CSMD1: variants seen among roughly 807,000 people sequenced by gnomAD.
The protein encoded by CSMD1 is CUB and Sushi multiple domains 1.
CSMD1 carries 213 observed loss-of-function variants against 417.5 expected under a neutral mutation model. The observed-to-expected ratio is 0.51, with a 90% CI of 0.46 to 0.57. The LOEUF is 0.57. CSMD1 is among the 20% of genes least tolerant of loss of function. The pLI, the probability that CSMD1 is intolerant of heterozygous loss-of-function variation, is 0.00. For synonymous variants in CSMD1, 2,862 were observed against 1,736.8 expected (o/e 1.65, Z -16.11); for missense variants, 6,923 against 4,529.7 (o/e 1.53, Z -15.17).
intron 3 of CSMD1, among the ~76,000 whole-genome samples, chr8:4,370,937 A>T (rs2128912800): frequency 6.6e-6 from 1 of 152,294 alleles, no homozygotes; most frequent in East Asian, 1.9e-4. Flanking sequence ...CAGCCATTTC[A>T]GTCTGGTTTG....
chr8:4,735,572 G>A (rs1017473637), intron 1 of CSMD1, among the ~76,000 whole-genome samples: 1 of 152,142 alleles, frequency 6.6e-6, no homozygotes, highest in South Asian at 2.1e-4. Flanking sequence ...CCCACATACA[G>A]CTAAGAAAAG....
intron 1 of CSMD1, among the ~76,000 whole-genome samples, chr8:4,914,850 G>C (rs572885630): frequency 6.6e-6 from 1 of 152,138 alleles, no homozygotes; most frequent in Admixed American, 6.5e-5. Context: ...TTCACCTACT[G>C]CTATTTCACC....
intron 3 of CSMD1, among the ~76,000 whole-genome samples, chr8:4,080,119 C>A (rs551239403): frequency 6.6e-6 from 1 of 151,776 alleles, no homozygotes; most frequent in Non-Finnish European, 1.5e-5. Flanking sequence ...TCCATGTATA[C>A]ACCCCCATAG....
intron 5 of CSMD1, among the ~76,000 whole-genome samples, chr8:3,770,604 C>T (rs1400720273): frequency 6.6e-6 from 1 of 152,054 alleles, no homozygotes; most frequent in Admixed American, 6.6e-5. Flanking sequence ...GCAGAACGGC[C>T]ATAAATGAAG....
chr8:4,622,358 C>G (rs543971581), intron 2 of CSMD1, among the ~76,000 whole-genome samples: 1 of 152,170 alleles, frequency 6.6e-6, no homozygotes, highest in South Asian at 2.1e-4. Flanking sequence ...ACACTCCACA[C>G]AGTCCAGCAC....
intron 52 of CSMD1, among the ~76,000 whole-genome samples, chr8:3,017,471 T>G (rs1438075897): frequency 6.6e-6 from 1 of 152,146 alleles, no homozygotes; most frequent in Admixed American, 6.6e-5. Context: ...TATAATTGTG[T>G]TCAATAATAT....
At chr8:4,642,269 C>G (rs947267152) in intron 1 of CSMD1, among the ~76,000 whole-genome samples, 1 of 152,196 alleles carries the variant, frequency 6.6e-6, no homozygotes, top group Non-Finnish European at 1.5e-5. Flanking sequence ...AGGCAGGGCT[C>G]ACTGTGTCCT....
At chr8:3,267,157 C>G (rs1376273081) in intron 26 of CSMD1, among the ~76,000 whole-genome samples, 1 of 152,090 alleles carries the variant, frequency 6.6e-6, no homozygotes, top group African/African-American at 2.4e-5. Context: ...GCGGGAATGT[C>G]TGCTGGAGGA....
intron 9 of CSMD1, among the ~76,000 whole-genome samples, chr8:3,584,133 A>C (rs771118976): frequency 1.3e-5 from 2 of 152,202 alleles, no homozygotes; most frequent in Non-Finnish European, 2.9e-5. Context: ...ATTAGAAGTA[A>C]TAAACTTAAT....
At position 3,754,027 on chromosome 8, in the gene CSMD1, G is replaced by T; in HGVS notation, c.834C>A (p.Asn278Lys). Reference protein sequence around the residue: ...EAPSIWLTGMNLPSPVISSKN... With the variant: ...EAPSIWLTGMKLPSPVISSKN... ...TGCTACTGATAACTGGAGAGGGGAGGTTCATGCCAGTTAGCCTAGAGAAGA... is the reference window on the plus strand; with the variant it reads ...TGCTACTGATAACTGGAGAGGGGAGTTTCATGCCAGTTAGCCTAGAGAAGA... Residue 278 changes from asparagine to lysine, a missense_variant, in exon 6 of 70, where the codon AAC (asparagine) becomes AAA (lysine). By Grantham distance (94) the Asn-to-Lys change is moderately conservative (BLOSUM62 0). Coordinates refer to ENST00000635120, the MANE Select transcript of CSMD1 (RefSeq NM_033225.6). 1 of 1,610,976 alleles carries T rather than the reference G, an allele frequency of 6.2e-7. No individual in the cohort carries two copies. Among genetic ancestry groups the T allele is most frequent in the Non-Finnish European group, 8.5e-7 (1 of 1,177,892 alleles).
At position 4,982,061 on chromosome 8, in the gene CSMD1, A is replaced by G. The variant is rs1187005514; in HGVS notation, c.85+12271T>C. Reference sequence around the variant, plus strand: ...GGAACTGAATTCTGCCAGCTGCCCAACTATCTTAGAAGTGGATTCTACCCC... The same window carrying G: ...GGAACTGAATTCTGCCAGCTGCCCAGCTATCTTAGAAGTGGATTCTACCCC... On this transcript the variant is annotated intron_variant, in intron 1 of 69. Coordinates refer to ENST00000635120, the MANE Select transcript of CSMD1 (RefSeq NM_033225.6). Among the ~76,000 whole-genome samples the G allele has an allele frequency of 3.3e-5, 5 of 152,176 alleles. No individual in the cohort carries two copies. In the South Asian group the frequency reaches 6.2e-4, roughly 19 times the overall value.
At chr8:4,170,768 A>G (rs550984249) in intron 3 of CSMD1, among the ~76,000 whole-genome samples, 3 of 151,810 alleles carry the variant, frequency 2.0e-5, no homozygotes, top group Non-Finnish European at 4.4e-5. Context: ...TAGCTAAGGG[A>G]CACAGAATTT....
Position 3,106,604 on chromosome 8 carries a change from G to C in CSMD1, c.6873C>G (p.Thr2291=), listed in dbSNP as rs1816165578. 1.9e-6 allele frequency: 3 copies of C among 1,613,692 alleles called. No homozygotes were observed. The highest frequency in any genetic ancestry group is 2.5e-6 in the Non-Finnish European group (3 of 1,179,774). The stretch of plus-strand genomic sequence containing the variant: ...AAGTCAGAATGTCGGTCCCCACCAA[G>C]GTGTACCCGGGGTGGCACTGGTACT... ...FVKYQCHPGY[T]LVGTDILTCK... is the part of the protein sequence containing the mutation. The change falls in exon 46 of 70, where the codon ACC becomes ACG. Residue 2291 remains threonine (T), a synonymous_variant. Transcript: ENST00000635120.
At chr8:4,351,581 T>G (rs939213387) in intron 3 of CSMD1, among the ~76,000 whole-genome samples, 1 of 152,182 alleles carries the variant, frequency 6.6e-6, no homozygotes, top group African/African-American at 2.4e-5. Context: ...GCATGTTTTA[T>G]GCAAAAATCC....
chr8:3,955,466 A>C (rs776543584), intron 5 of CSMD1, among the ~76,000 whole-genome samples: 2 of 152,180 alleles, frequency 1.3e-5, no homozygotes, highest in African/African-American at 4.8e-5. Flanking sequence ...ATAAAGTAGA[A>C]TTTTGTACTG....
intron 2 of CSMD1, among the ~76,000 whole-genome samples, chr8:4,546,191 C>G (rs963456053): frequency 3.3e-5 from 5 of 152,226 alleles, no homozygotes; most frequent in African/African-American, 1.2e-4. Flanking sequence ...CTTGTTATAT[C>G]TACGGGCCTT....
chr8:4,122,726 A>G (rs1034970954), intron 3 of CSMD1, among the ~76,000 whole-genome samples: 5 of 152,150 alleles, frequency 3.3e-5, no homozygotes, highest in African/African-American at 1.2e-4. Context: ...ATTTTTTCCT[A>G]GAAGTAACAC....
intron 3 of CSMD1, among the ~76,000 whole-genome samples, chr8:4,226,774 A>G (rs897187662): frequency 3.3e-5 from 5 of 152,216 alleles, no homozygotes; most frequent in African/African-American, 1.2e-4. Flanking sequence ...GAATTTAAGA[A>G]AAAAACAAAA....
chr8:4,499,627 C>G (rs550162398), intron 2 of CSMD1, among the ~76,000 whole-genome samples: 1 of 152,332 alleles, frequency 6.6e-6, no homozygotes, highest in South Asian at 2.1e-4. Context: ...ATTATTACTT[C>G]ATTATATTTA....
Sources: allele counts gnomAD v4.1 joint callset (sites outside exome capture counted in the v4.1 genomes callset), GRCh38; gene constraint gnomAD v4.1.1; transcripts MANE v1.5; gene names NCBI Gene and HGNC (gene_info 2026-07-23, HGNC 2026-07-21).